The following CHD8 variants were observed in gnomAD, a reference collection of about 807,000 sequenced individuals.
CHD8 encodes the protein ATP-dependent chromatin remodeler CHD8.
In CHD8, 31 loss-of-function variants were observed where a neutral mutation model predicts 279.2. That is an observed-to-expected ratio of 0.11 (90% confidence interval 0.08 to 0.15). The LOEUF (loss-of-function observed/expected upper bound fraction) is 0.15, where lower values mean the gene tolerates loss of function less well. Ranked by LOEUF, CHD8 falls within the 10% of genes least tolerant of loss-of-function variation. The probability of loss-of-function intolerance (pLI) is 1.00; values close to 1 mark genes in which losing one functional copy is unlikely to be tolerated. For synonymous variants in CHD8, 1,081 were observed against 1,139.6 expected, an observed-to-expected ratio of 0.95 and a Z score of 1.04; for missense variants, 2,146 against 3,230.5, an observed-to-expected ratio of 0.66 and a Z score of 8.14.
In CHD8 at chr14:21,405,537, G is replaced by A; in HGVS notation, c.3052-73C>T. ...ACATTCTCACATTATGTAGAAACATGGAAAAATTAGAGTTTTCCACTATCT... is the reference window on the plus strand; with the variant it reads ...ACATTCTCACATTATGTAGAAACATAGAAAAATTAGAGTTTTCCACTATCT... On this transcript the variant is annotated intron_variant, in intron 15 of 37. Coordinates refer to ENST00000646647, the MANE Select transcript of CHD8 (RefSeq NM_001170629.2). This position sits in a 1 kb window ranked among gnomAD's most constrained non-coding sequence, Gnocchi z 4.2. 6.5e-7 allele frequency: 1 copy of A among 1,542,724 alleles called. No homozygotes were observed. Among genetic ancestry groups the A allele is most frequent in the Non-Finnish European group, 8.7e-7 (1 of 1,145,162 alleles).
At chr14:21,426,039 T>C (rs1042892186) in intron 5 of CHD8, 89 bp downstream of exon 5, 3 of 788,012 alleles carry the variant, frequency 3.8e-6, no homozygotes, top group East Asian at 2.6e-5. Context: ...GAAATGTGTA[T>C]AGACTTACGA....
At chr14:21,401,637 T>A in intron 20 of CHD8, 124 bp from the exon 21 acceptor site, 1 of 645,086 alleles carries the variant, frequency 1.6e-6, no homozygotes, top group Non-Finnish European at 2.6e-6. Context: ...CAGGCTGGGG[T>A]ACAGTGGCAC....
Position 21,385,427 on chromosome 14 carries a change from C to T in CHD8, c.*186G>A. ...TGGTCATGTATTATTTTAGGAGTTC[C>T]CCTGCCCACCCAATCCTCTCATAAT... is the stretch of plus-strand genomic sequence containing the variant. On this transcript the variant is annotated 3_prime_UTR_variant, in exon 38 of 38. Coordinates refer to ENST00000646647, the MANE Select transcript of CHD8 (RefSeq NM_001170629.2). 1.0e-6 allele frequency: 1 copy of T among 959,752 alleles called. No homozygotes were observed. Among genetic ancestry groups the T allele is most frequent in the Non-Finnish European group, 1.5e-6 (1 of 673,706 alleles). The allele number at this position is 959,752 out of a possible 1,614,324, so 59.5% of individuals were successfully genotyped here.
intron 1 of CHD8, among the ~76,000 whole-genome samples, chr14:21,440,495 C>G (rs1431097641): frequency 2.0e-5 from 3 of 152,082 alleles, no homozygotes; most frequent in African/African-American, 7.2e-5. Flanking sequence ...GTGTGAGCCA[C>G]CGCATCCAGC....
chr14:21,409,052 T>C (rs1399783538), intron 11 of CHD8, among the ~76,000 whole-genome samples: 1 of 152,148 alleles, frequency 6.6e-6, no homozygotes, highest in Non-Finnish European at 1.5e-5. Context: ...CACACCACCA[T>C]CTATGAAGCA....
intron 11 of CHD8, among the ~76,000 whole-genome samples, chr14:21,409,157 A>C (rs921084155): frequency 6.6e-6 from 1 of 152,206 alleles, no homozygotes; most frequent in South Asian, 2.1e-4. Context: ...ACAAACAAAA[A>C]AACACGGCTA....
chr14:21,417,757 G>T (rs1294567199), intron 5 of CHD8, among the ~76,000 whole-genome samples: 1 of 151,184 alleles, frequency 6.6e-6, no homozygotes, highest in African/African-American at 2.4e-5. Context: ...GGGAGGCTGA[G>T]GCAGGAGAAT....
intron 30 of CHD8, 84 bp from the exon 31 acceptor site, chr14:21,394,569 T>C (rs560943790): frequency 1.7e-5 from 10 of 589,842 alleles, no homozygotes; most frequent in Non-Finnish European, 2.4e-5. Flanking sequence ...TAATGTGTTT[T>C]AGAATATCTG....
At chr14:21,422,900 G>C (rs1381702498) in intron 5 of CHD8, among the ~76,000 whole-genome samples, 1 of 152,140 alleles carries the variant, frequency 6.6e-6, no homozygotes, top group Non-Finnish European at 1.5e-5. Flanking sequence ...CCGCACCCCA[G>C]CCTGGGAAAC....
At chr14:21,452,519 CCTTAA>C (rs1890281390) in intron 1 of CHD8, among the ~76,000 whole-genome samples, 1 of 151,820 alleles carries the variant, frequency 6.6e-6, no homozygotes, top group African/African-American at 2.4e-5. Flanking sequence ...GTGGCACACG[CCTTAA>C]CCCCAGCTAC....
At chr14:21,451,002 A>G (rs1317030525) in intron 1 of CHD8, among the ~76,000 whole-genome samples, 4 of 152,216 alleles carry the variant, frequency 2.6e-5, no homozygotes, top group Non-Finnish European at 5.9e-5. Context: ...CAACAAATAA[A>G]ATGAAGTCAT....
rs778266688 is a variant in CHD8 at position 21,403,138 on chromosome 14, G to C, written c.3593C>G (p.Pro1198Arg). 6.2e-7 allele frequency: 1 copy of C among 1,614,040 alleles called. No individual in the cohort carries two copies. The highest frequency in any genetic ancestry group is 2.2e-5 in the East Asian group (1 of 44,888). ...RQAAIDRFSK[P>R]DSDRFVFLLC... ...TAAGAAGACAAAGCGGTCTGAGTCAGGCTTGCTGAAGCGGTCAATGGCAGC... is the reference window on the plus strand; with the variant it reads ...TAAGAAGACAAAGCGGTCTGAGTCACGCTTGCTGAAGCGGTCAATGGCAGC... The change falls in exon 18 of 38, where the codon CCT becomes CGT. Residue 1198 changes from proline to arginine, a missense_variant. Pro to Arg is a moderately radical substitution (Grantham distance 103). Around this residue, in one of 26 missense-constraint regions of CHD8, gnomAD observed 48 missense variants for 135.7 expected, o/e 0.35. Transcript: ENST00000646647. This position sits in a 1 kb window ranked among gnomAD's most constrained non-coding sequence, Gnocchi z 4.3.
In CHD8 at chr14:21,391,619, C is replaced by T; in HGVS notation, c.6909G>A (p.Glu2303=). The change falls in exon 36 of 38, where the codon GAG becomes GAA. Residue 2303 remains glutamate (E), a synonymous_variant. Coordinates refer to ENST00000646647, the MANE Select transcript of CHD8 (RefSeq NM_001170629.2). ...CCAGGTCCACATCAAGGTGATTAGG[C>T]TCTTCCATGCACTCCACCTCCAGCT... The part of the protein sequence containing the change: ...LVELEVECME[E]PNHLDVDLET... 1 of 1,601,808 alleles carries T rather than the reference C, an allele frequency of 6.2e-7. No homozygotes were observed.
intron 1 of CHD8, among the ~76,000 whole-genome samples, chr14:21,433,166 G>A (rs757293683): frequency 3.9e-5 from 6 of 152,160 alleles, no homozygotes; most frequent in African/African-American, 1.2e-4. Context: ...ATACTTGCTC[G>A]CATTATCTGG....
rs555696086 is a variant in CHD8 at position 21,424,435 on chromosome 14, C to CA, written c.1716+1692dup. ...ATATTCTAAAATTTTTTTTTGGCCTCATTTTCCTTTTTAAAACTTTCTCGA... is the reference window on the plus strand; with the variant it reads ...ATATTCTAAAATTTTTTTTTGGCCTCAATTTTCCTTTTTAAAACTTTCTCGA... On this transcript the variant is annotated intron_variant, in intron 5 of 37. Transcript: ENST00000646647. 9.2e-5 allele frequency among the ~76,000 whole-genome samples: 14 copies of CA among 151,832 alleles called. No individual in the cohort carries two copies. In the East Asian group the frequency reaches 1.9e-3, roughly 21 times the overall value.
chr14:21,400,089 G>A lies in CHD8; in HGVS notation c.4728-19C>T, dbSNP rs187327123. The A allele has an allele frequency of 3.7e-4, 603 of 1,613,416 alleles. 3 individuals are homozygous for A. The Admixed American group carries it at 4.3e-3, about 11-fold the overall frequency. On this transcript the variant is annotated intron_variant, in intron 24 of 37. Coordinates refer to ENST00000646647, the MANE Select transcript of CHD8 (RefSeq NM_001170629.2). The surrounding 1 kb of genome is among the most constrained non-coding windows in gnomAD (Gnocchi z 4.2). Reference sequence around the variant, plus strand: ...CAGTACCCTAGAAAGGACAGAGGAAGAGCTGGCTCAGTAACACTGTAGAAG... The same window carrying A: ...CAGTACCCTAGAAAGGACAGAGGAAAAGCTGGCTCAGTAACACTGTAGAAG...
At chr14:21,399,872 T>A (rs1040992446) in intron 25 of CHD8, 109 bp downstream of exon 25, 5 of 1,068,476 alleles carry the variant, frequency 4.7e-6, no homozygotes, top group Non-Finnish European at 5.8e-6. Context: ...ACCTGATATA[T>A]AGATTTAAAT....
intron 1 of CHD8, among the ~76,000 whole-genome samples, chr14:21,454,465 G>A (rs1411327632): frequency 1.3e-5 from 2 of 152,042 alleles, no homozygotes; most frequent in Admixed American, 6.6e-5. Context: ...CTACAGGCAC[G>A]CGTCACCATG....
rs559681631 is a variant in CHD8 at position 21,438,512 on chromosome 14, TAAA to T, written c.-215-6657_-215-6655del. On this transcript the variant is annotated intron_variant, in intron 1 of 37. Transcript: ENST00000646647. ...CATTACATAGTAACACCTAGTCTCTTAAAAAAAAAAAAAAAAAAAGAAAGAAAG... is the reference window on the plus strand; with the variant it reads ...CATTACATAGTAACACCTAGTCTCTTAAAAAAAAAAAAAAAAGAAAGAAAG... Among the ~76,000 whole-genome samples the T allele has an allele frequency of 6.6e-4, 74 of 112,504 alleles. 1 individual carries two copies. Among genetic ancestry groups the T allele is most frequent in the African/African-American group, 2.6e-3 (74 of 28,822 alleles). The allele number at this position is 112,504 out of a possible 152,430, so 73.8% of individuals were successfully genotyped here. A position where few individuals can be genotyped will look rare whatever the true frequency, so the allele number is the denominator to read the frequency against.
Sources: gnomAD v4.1 joint callset for allele counts (sites outside exome capture counted in the v4.1 genomes callset) on GRCh38, gnomAD v4.1.1 for gene constraint, gnomAD v4.1.1 regional missense constraint, Gnocchi (gnomAD v3.1) non-coding constraint, MANE v1.5 for transcripts, NCBI Gene and HGNC (gene_info 2026-07-23, HGNC 2026-07-21) for gene names.